FBXO4: variants seen among roughly 807,000 people sequenced by gnomAD.
FBXO4 encodes F-box only protein 4.
In FBXO4, 36 loss-of-function variants were observed where a neutral mutation model predicts 43.7. The observed-to-expected ratio is 0.82, with a 90% CI of 0.63 to 1.09. The LOEUF (loss-of-function observed/expected upper bound fraction) is 1.09. Among genes scored for constraint, FBXO4 ranks in the 50% least tolerant of loss-of-function variants. The pLI is 0.00. For synonymous variants in FBXO4, 180 were observed against 165.6 expected (o/e 1.09, Z -0.67); for missense variants, 435 against 474.1 (o/e 0.92, Z 0.77).
chr5:41,961,667 A>G, the FBXO4 span, among the ~76,000 whole-genome samples: 1 of 152,174 alleles, frequency 6.6e-6, no homozygotes, highest in Non-Finnish European at 1.5e-5. Flanking sequence ...GAATGAAACT[A>G]TGTGCAGAAA....
At chr5:41,932,287 G>A (rs571279656) in intron 3 of FBXO4, among the ~76,000 whole-genome samples, 1 of 152,336 alleles carries the variant, frequency 6.6e-6, no homozygotes, top group East Asian at 1.9e-4. Context: ...GACGTGTTGA[G>A]AGGGTAATCT....
chr5:41,943,198 G>T (rs141684610), downstream of FBXO4, among the ~76,000 whole-genome samples: 287 of 152,216 alleles, frequency 1.9e-3, 1 homozygote, highest in African/African-American at 6.6e-3. Context: ...GTTAAAAAGA[G>T]CTACAGGCTA....
At chr5:42,030,193 C>T in the FBXO4 span, among the ~76,000 whole-genome samples, 2 of 152,090 alleles carry the variant, frequency 1.3e-5, no homozygotes, top group Non-Finnish European at 1.5e-5. Context: ...ATCATGCTAC[C>T]TGACTTCAAA....
the FBXO4 span, among the ~76,000 whole-genome samples, chr5:41,996,552 C>T: frequency 6.6e-6 from 1 of 152,200 alleles, no homozygotes; most frequent in Non-Finnish European, 1.5e-5. Context: ...GCCAGAGCAG[C>T]TTGAACAGCA....
At chr5:42,032,855 C>G in the FBXO4 span, among the ~76,000 whole-genome samples, 1 of 152,162 alleles carries the variant, frequency 6.6e-6, no homozygotes, top group Non-Finnish European at 1.5e-5. Flanking sequence ...CACCTGAAGA[C>G]AGCAGGTCTC....
the FBXO4 span, among the ~76,000 whole-genome samples, chr5:42,016,556 T>A: frequency 6.6e-6 from 1 of 152,020 alleles, no homozygotes; most frequent in East Asian, 1.9e-4. Context: ...CAGATTTCTT[T>A]TTTATAATTT....
At chr5:41,951,161 T>C in the FBXO4 span, among the ~76,000 whole-genome samples, 1 of 152,180 alleles carries the variant, frequency 6.6e-6, no homozygotes, top group East Asian at 1.9e-4. Context: ...TGTATACCTA[T>C]GTAAGAAACC....
chr5:41,949,574 C>A, the FBXO4 span, among the ~76,000 whole-genome samples: 1 of 152,136 alleles, frequency 6.6e-6, no homozygotes, highest in Non-Finnish European at 1.5e-5. Context: ...AGGACACAAA[C>A]AAATGGAAAA....
the FBXO4 span, among the ~76,000 whole-genome samples, chr5:41,965,726 A>T: frequency 6.6e-6 from 1 of 152,204 alleles, no homozygotes; most frequent in African/African-American, 2.4e-5. Context: ...GTGGGACTGT[A>T]AACTAGTTCA....
At chr5:41,949,039 A>C in the FBXO4 span, among the ~76,000 whole-genome samples, 1 of 152,210 alleles carries the variant, frequency 6.6e-6, no homozygotes, top group Non-Finnish European at 1.5e-5. Flanking sequence ...CCTCTCGATA[A>C]ACTAGGTATT....
chr5:41,957,087 T>TTTTC, the FBXO4 span, among the ~76,000 whole-genome samples: 1 of 152,122 alleles, frequency 6.6e-6, no homozygotes, highest in African/African-American at 2.4e-5. Flanking sequence ...TGAGGTGTGG[T>TTTTC]TTTCTTTGTA....
the FBXO4 span, among the ~76,000 whole-genome samples, chr5:42,015,078 G>A: frequency 6.6e-6 from 1 of 152,148 alleles, no homozygotes; most frequent in Admixed American, 6.5e-5. Flanking sequence ...TCTGCTCCAA[G>A]TACAGGCAAT....
At chr5:41,973,664 C>G in the FBXO4 span, among the ~76,000 whole-genome samples, 1 of 152,168 alleles carries the variant, frequency 6.6e-6, no homozygotes, top group African/African-American at 2.4e-5. Context: ...CTGGGTGAGA[C>G]AGCATCTGCA....
At chr5:42,016,866 T>C in the FBXO4 span, among the ~76,000 whole-genome samples, 2 of 152,066 alleles carry the variant, frequency 1.3e-5, no homozygotes, top group Non-Finnish European at 2.9e-5. Context: ...GCAAACTTTG[T>C]TTTTTAACCT....
the FBXO4 span, among the ~76,000 whole-genome samples, chr5:42,021,548 G>A: frequency 1.3e-5 from 2 of 152,058 alleles, no homozygotes; most frequent in Non-Finnish European, 2.9e-5. Context: ...CTGCCTCTAC[G>A]AGACTGGTGT....
the FBXO4 span, among the ~76,000 whole-genome samples, chr5:41,971,205 G>GGTGTGTGTGTGTGTGTGT: frequency 2.7e-4 from 40 of 147,468 alleles, no homozygotes; most frequent in South Asian, 3.0e-3. Context: ...ACTAGAGAGA[G>GGTGTGTGTGTGTGTGTGT]GTGTGTGTGT....
At chr5:41,928,643 T>A (rs1180473710) in intron 2 of FBXO4, 2 of 152,506 alleles carry the variant, frequency 1.3e-5, no homozygotes, top group Non-Finnish European at 2.9e-5. Context: ...CAACCCTGAG[T>A]TATTTCTGTT....
At chr5:41,984,519 G>T in the FBXO4 span, among the ~76,000 whole-genome samples, 5 of 152,242 alleles carry the variant, frequency 3.3e-5, no homozygotes, top group South Asian at 2.1e-4. Context: ...ATACTCTTGG[G>T]CTTTGGATCA....
At chr5:42,038,583 A>T in the FBXO4 span, among the ~76,000 whole-genome samples, 1 of 152,148 alleles carries the variant, frequency 6.6e-6, no homozygotes, top group African/African-American at 2.4e-5. Context: ...GGTATCTATC[A>T]CCTGAAGCAT....
Sources: allele counts gnomAD v4.1 joint callset (sites outside exome capture counted in the v4.1 genomes callset), GRCh38; gene constraint gnomAD v4.1.1; transcripts MANE v1.5; gene names NCBI Gene and HGNC (gene_info 2026-07-23, HGNC 2026-07-21).